Variants in KIF6 observed in about 807,000 individuals in gnomAD.
The protein encoded by KIF6 is kinesin family member 6.
Under a neutral mutation model 112.7 loss-of-function variants are expected in KIF6, and 106 were observed. That is an observed-to-expected ratio of 0.94 (90% CI 0.80 to 1.11). The LOEUF is 1.11. Among genes scored for constraint, KIF6 ranks in the 50% least tolerant of loss-of-function variants. KIF6 has a pLI of 0.00. For synonymous variants in KIF6, 339 were observed against 339.9 expected, an observed-to-expected ratio of 1.00 and a Z score of 0.03; for missense variants, 929 against 964.0, an observed-to-expected ratio of 0.96 and a Z score of 0.48.
At chr6:39,477,199 G>T (rs2150449455) in intron 13 of KIF6, among the ~76,000 whole-genome samples, 1 of 152,272 alleles carries the variant, frequency 6.6e-6, no homozygotes. Context: ...CTGCCAAAGT[G>T]AGAACCCCCT....
chr6:39,492,454 A>G (rs1368123351), intron 13 of KIF6, among the ~76,000 whole-genome samples: 1 of 152,228 alleles, frequency 6.6e-6, no homozygotes, highest in East Asian at 1.9e-4. Flanking sequence ...AAGTTTCCTC[A>G]GTTGCAAATA....
chr6:39,534,004 G>C (rs1013332697), intron 13 of KIF6, among the ~76,000 whole-genome samples: 1 of 152,182 alleles, frequency 6.6e-6, no homozygotes, highest in African/African-American at 2.4e-5. Context: ...TGAGGGTCCT[G>C]TCTGTTAGAA....
intron 12 of KIF6, among the ~76,000 whole-genome samples, chr6:39,543,091 C>A (rs1355884431): frequency 6.6e-6 from 1 of 152,142 alleles, no homozygotes; most frequent in Non-Finnish European, 1.5e-5. Flanking sequence ...CATATAGGAA[C>A]AAACTTGGAC....
intron 13 of KIF6, among the ~76,000 whole-genome samples, chr6:39,445,837 G>T (rs1185408403): frequency 6.6e-6 from 1 of 152,218 alleles, no homozygotes; most frequent in African/African-American, 2.4e-5. Context: ...GAAGGGCTTG[G>T]CATGGAGACT....
At chr6:39,349,038 G>A (rs150805555) in intron 19 of KIF6, among the ~76,000 whole-genome samples, 4 of 152,324 alleles carry the variant, frequency 2.6e-5, no homozygotes, top group Non-Finnish European at 5.9e-5. Flanking sequence ...GTGTGCTGTC[G>A]GAGGGGCCAT....
At chr6:39,605,134 T>C (rs1483764815) in intron 6 of KIF6, among the ~76,000 whole-genome samples, 4 of 152,078 alleles carry the variant, frequency 2.6e-5, no homozygotes. Flanking sequence ...TCCACAAGCA[T>C]TAAGGTTTGC....
chr6:39,485,821 T>G (rs1382056329), intron 13 of KIF6, among the ~76,000 whole-genome samples: 1 of 152,184 alleles, frequency 6.6e-6, no homozygotes, highest in African/African-American at 2.4e-5. Flanking sequence ...CTTGCACCCA[T>G]AGAGCACTTA....
At chr6:39,389,966 G>A (rs969259879) in intron 15 of KIF6, among the ~76,000 whole-genome samples, 2 of 149,800 alleles carry the variant, frequency 1.3e-5, no homozygotes, top group Admixed American at 6.7e-5. Flanking sequence ...GGGAGGCAGA[G>A]GTTGCAATGA....
rs150841254 is a variant in KIF6, at chr6:39,640,413, T to C, written c.252-656A>G. Among the ~76,000 whole-genome samples, 11 of 152,218 alleles carry C rather than the reference T, an allele frequency of 7.2e-5. No homozygotes were observed. The East Asian group carries it at 7.7e-4, about 11-fold the overall frequency. ...CCTGTAATATAAGCTTTTATAAATA[T>C]GCATGAAATGATGTAGACTTTCAAA... On this transcript the variant is annotated intron_variant, in intron 3 of 22. Coordinates refer to ENST00000287152, the MANE Select transcript of KIF6 (RefSeq NM_145027.6).
At chr6:39,475,290 G>A (rs1319072305) in intron 13 of KIF6, among the ~76,000 whole-genome samples, 2 of 152,130 alleles carry the variant, frequency 1.3e-5, no homozygotes, top group Admixed American at 6.5e-5. Flanking sequence ...GTATTAAATC[G>A]ACTGTTAAAT....
intron 19 of KIF6, among the ~76,000 whole-genome samples, chr6:39,354,335 A>G (rs73731802): frequency 0.084 from 12,858 of 152,274 alleles, 784 homozygotes; most frequent in African/African-American, 0.16. Flanking sequence ...GAAGCAAGGG[A>G]GTAGGTTTGG....
intron 7 of KIF6, among the ~76,000 whole-genome samples, chr6:39,591,319 T>C (rs1257382859): frequency 6.6e-6 from 1 of 152,112 alleles, no homozygotes; most frequent in African/African-American, 2.4e-5. Context: ...GATTAGAAAA[T>C]ATAGTCTCAA....
At chr6:39,433,026 G>A (rs2150384186) in intron 13 of KIF6, among the ~76,000 whole-genome samples, 1 of 152,270 alleles carries the variant, frequency 6.6e-6, no homozygotes, top group South Asian at 2.1e-4. Flanking sequence ...TAAGCTGCAG[G>A]GAAGAAGGGT....
intron 10 of KIF6, among the ~76,000 whole-genome samples, chr6:39,562,839 A>G (rs913157068): frequency 3.3e-5 from 5 of 152,236 alleles, no homozygotes; most frequent in Non-Finnish European, 7.3e-5. Context: ...GAAAAACACT[A>G]TGAGGTAGAG....
At chr6:39,655,793 A>G (rs1306406999) in intron 3 of KIF6, among the ~76,000 whole-genome samples, 1 of 152,214 alleles carries the variant, frequency 6.6e-6, no homozygotes, top group Non-Finnish European at 1.5e-5. Flanking sequence ...GTCAATAAAC[A>G]AACTGACAAT....
At chr6:39,652,659 G>GT (rs906005214) in intron 3 of KIF6, among the ~76,000 whole-genome samples, 4 of 151,942 alleles carry the variant, frequency 2.6e-5, no homozygotes, top group Non-Finnish European at 4.4e-5. Context: ...CTGAACTTAT[G>GT]TTTTTTTTCT....
chr6:39,498,455 G>T (rs1249299363), intron 13 of KIF6, among the ~76,000 whole-genome samples: 1 of 152,098 alleles, frequency 6.6e-6, no homozygotes, highest in East Asian at 1.9e-4. Flanking sequence ...AAAAAAGAAG[G>T]GTGGATGGCT....
chr6:39,404,565 T>TAC, intron 15 of KIF6, among the ~76,000 whole-genome samples: 1 of 152,238 alleles, frequency 6.6e-6, no homozygotes, highest in East Asian at 1.9e-4. Flanking sequence ...CTGTCTTAAT[T>TAC]ACAGCAGCTT....
chr6:39,346,246 C>G, intron 20 of KIF6: 1 of 649,980 alleles, frequency 1.5e-6, no homozygotes, highest in South Asian at 1.6e-5. Context: ...ATCTGCTGTG[C>G]TACGGACTGG....
Sources: gnomAD v4.1 joint callset for allele counts (sites outside exome capture counted in the v4.1 genomes callset) on GRCh38, gnomAD v4.1.1 for gene constraint, MANE v1.5 for transcripts, NCBI Gene and HGNC (gene_info 2026-07-23, HGNC 2026-07-21) for gene names.